KLF12: variants seen among roughly 807,000 people sequenced by gnomAD.
KLF12 encodes the protein KLF transcription factor 12.
A neutral mutation model predicts 37.8 loss-of-function variants in KLF12; 9 were observed. The observed-to-expected ratio is 0.24, with a 90% CI of 0.14 to 0.42. The LOEUF is 0.42. Ranked by LOEUF, KLF12 falls within the 10% of genes least tolerant of loss-of-function variation. The probability of loss-of-function intolerance (pLI) is 1.00; values close to 1 mark genes in which losing one functional copy is unlikely to be tolerated. For synonymous variants in KLF12, 208 were observed against 202.1 expected (o/e 1.03, Z -0.25); for missense variants, 411 against 516.0 (o/e 0.80, Z 1.97).
At chr13:73,871,347 C>T (rs147110722) in intron 3 of KLF12, among the ~76,000 whole-genome samples, 32 of 152,256 alleles carry the variant, frequency 2.1e-4, no homozygotes, top group African/African-American at 6.0e-4. Context: ...AATGAATAAG[C>T]GAGCATTCGC....
intron 3 of KLF12, among the ~76,000 whole-genome samples, chr13:73,938,775 T>C (rs1275750917): frequency 6.6e-6 from 1 of 152,164 alleles, no homozygotes; most frequent in East Asian, 1.9e-4. Context: ...TTATCCTCTT[T>C]TGTTCTGCCT....
intron 1 of KLF12, among the ~76,000 whole-genome samples, chr13:74,063,970 T>A (rs1031742660): frequency 1.3e-5 from 2 of 152,208 alleles, no homozygotes; most frequent in East Asian, 3.8e-4. Context: ...ACAAAATTTA[T>A]GCCCAAAGAA....
intron 5 of KLF12, among the ~76,000 whole-genome samples, chr13:73,804,474 G>A (rs929470357): frequency 1.3e-5 from 2 of 151,878 alleles, no homozygotes; most frequent in African/African-American, 4.8e-5. Context: ...TCCCACCACA[G>A]CAGATAAAAA....
At chr13:74,225,270 A>C in the KLF12 span, among the ~76,000 whole-genome samples, 1 of 152,138 alleles carries the variant, frequency 6.6e-6, no homozygotes, top group Non-Finnish European at 1.5e-5. Context: ...CACCTCTACG[A>C]AGAAGATACT....
chr13:74,123,465 T>C (rs766784423), intron 1 of KLF12, among the ~76,000 whole-genome samples: 2 of 152,254 alleles, frequency 1.3e-5, no homozygotes, highest in Non-Finnish European at 2.9e-5. Flanking sequence ...TGCTTCTTTC[T>C]TGATCTGCCT....
chr13:74,277,777 G>C, the KLF12 span, among the ~76,000 whole-genome samples: 1 of 152,060 alleles, frequency 6.6e-6, no homozygotes, highest in African/African-American at 2.4e-5. Context: ...AGAATGTCCT[G>C]TCCCATGGGA....
At position 73,695,549 on chromosome 13, in the gene KLF12, G is replaced by A. The variant is rs941817144; in HGVS notation, c.1150C>T (p.Arg384Cys). 2 of 1,613,920 alleles carry A rather than the reference G, an allele frequency of 1.2e-6. No individual in the cohort carries two copies. The highest frequency in any genetic ancestry group is 8.5e-7 in the Non-Finnish European group (1 of 1,179,970). Residue 384 changes from arginine to cysteine, a missense_variant, in exon 8 of 8, where the codon CGC becomes TGC. Around this residue, in one of 2 missense-constraint regions of KLF12, gnomAD observed 60 missense variants for 118.2 expected, o/e 0.51. Transcript: ENST00000377669. ...AAATGATCTGACCGGGAAAAGCTGC[G>A]ATCACAGTCCGCGCACTTGAATGGC...
intron 3 of KLF12, among the ~76,000 whole-genome samples, chr13:73,876,254 T>C (rs2138912877): frequency 1.3e-5 from 2 of 152,246 alleles, no homozygotes; most frequent in Middle Eastern, 6.8e-3. Context: ...CTGAATTCAG[T>C]TCCTTGTGGC....
the KLF12 span, among the ~76,000 whole-genome samples, chr13:74,171,770 A>G: frequency 6.6e-6 from 1 of 152,202 alleles, no homozygotes; most frequent in East Asian, 1.9e-4. Context: ...CACAAAATAC[A>G]AAAAAACAAA....
chr13:73,960,844 T>C (rs1891000734), intron 2 of KLF12, among the ~76,000 whole-genome samples: 1 of 152,150 alleles, frequency 6.6e-6, no homozygotes, highest in African/African-American at 2.4e-5. Flanking sequence ...TTCTAGGGAG[T>C]TCCTTGACAA....
At chr13:74,179,035 T>C in the KLF12 span, among the ~76,000 whole-genome samples, 1 of 152,362 alleles carries the variant, frequency 6.6e-6, no homozygotes, top group East Asian at 1.9e-4. Context: ...ATTTATTGTG[T>C]CTACTATGTC....
chr13:73,925,145 G>C (rs554039875), intron 3 of KLF12, among the ~76,000 whole-genome samples: 28 of 152,334 alleles, frequency 1.8e-4, no homozygotes, highest in African/African-American at 6.7e-4. Flanking sequence ...TAAGATCATT[G>C]ATGAAGTTGA....
At chr13:74,082,172 A>AAAAAAAAAAAC (rs1555270366) in intron 1 of KLF12, among the ~76,000 whole-genome samples, 2 of 149,602 alleles carry the variant, frequency 1.3e-5, no homozygotes, top group Non-Finnish European at 3.0e-5. Flanking sequence ...TTAAAAAAAA[A>AAAAAAAAAAAC]AAAAAACAAA....
the KLF12 span, among the ~76,000 whole-genome samples, chr13:74,297,637 A>T: frequency 1.0e-3 from 158 of 152,332 alleles, 2 homozygotes; most frequent in African/African-American, 3.6e-3. Flanking sequence ...CTTTGTGCAG[A>T]TACAATGTCA....
chr13:73,788,048 C>T (rs1212728969), intron 5 of KLF12, among the ~76,000 whole-genome samples: 4 of 152,054 alleles, frequency 2.6e-5, no homozygotes, highest in South Asian at 4.2e-4. Context: ...ACTGATGAAA[C>T]CTCTCAGGGT....
At chr13:74,049,273 CAA>C (rs2138585588) in intron 1 of KLF12, among the ~76,000 whole-genome samples, 1 of 152,302 alleles carries the variant, frequency 6.6e-6, no homozygotes, top group East Asian at 1.9e-4. Flanking sequence ...TCTTCTCATT[CAA>C]ATTGCAAACT....
chr13:73,941,035 G>A (rs1890162896), intron 3 of KLF12, among the ~76,000 whole-genome samples: 1 of 152,210 alleles, frequency 6.6e-6, no homozygotes, highest in Non-Finnish European at 1.5e-5. Flanking sequence ...TCTTTAAAAT[G>A]CTGTGTGCAG....
Position 73,761,858 on chromosome 13 carries a change from G to C in KLF12, c.869+3080C>G, listed in dbSNP as rs549103499. ...ATGCTCACTTCCATTTAGGGACAAG[G>C]GTGAAGGTAAAGAGGAGCGGTCTGA... On this transcript the variant is annotated intron_variant, in intron 6 of 7. Transcript: ENST00000377669. Among the ~76,000 whole-genome samples, 2 of 152,222 alleles carry C rather than the reference G, an allele frequency of 1.3e-5. 1 individual carries two copies. The highest frequency in any genetic ancestry group is 4.8e-5 in the African/African-American group (2 of 41,560).
the KLF12 span, among the ~76,000 whole-genome samples, chr13:74,147,997 G>C: frequency 6.6e-6 from 1 of 151,304 alleles, no homozygotes; most frequent in African/African-American, 2.4e-5. Context: ...CTGCAACCTC[G>C]GCCTCTCAGG....
Sources: allele counts gnomAD v4.1 joint callset (sites outside exome capture counted in the v4.1 genomes callset), GRCh38; gene constraint gnomAD v4.1.1; regional missense constraint gnomAD v4.1.1; transcripts MANE v1.5; gene names NCBI Gene and HGNC (gene_info 2026-07-23, HGNC 2026-07-21).